PDE4D: variants seen among roughly 807,000 people sequenced by gnomAD.
PDE4D encodes phosphodiesterase 4D.
In PDE4D, 24 loss-of-function variants were observed where a neutral mutation model predicts 87.4. The ratio of observed to expected loss-of-function variants is 0.27; its 90% CI spans 0.20 to 0.39. The LOEUF (loss-of-function observed/expected upper bound fraction) is 0.39, where lower values mean the gene tolerates loss of function less well. PDE4D is among the 10% of genes least tolerant of loss of function. The probability of loss-of-function intolerance (pLI) is 1.00; values close to 1 mark genes in which losing one functional copy is unlikely to be tolerated. For missense variants in PDE4D, 714 were observed against 1,041.0 expected (o/e 0.69, Z 4.32); for synonymous variants, 384 against 383.2 (o/e 1.00, Z -0.02).
intron 1 of PDE4D, among the ~76,000 whole-genome samples, chr5:59,553,634 G>T (rs554634247): frequency 6.6e-6 from 1 of 152,086 alleles, no homozygotes; most frequent in Non-Finnish European, 1.5e-5. Context: ...GAAAGAACAC[G>T]TACTTTTTCA....
chr5:60,447,948 T>C (rs1049582220), intron 1 of PDE4D, among the ~76,000 whole-genome samples: 22 of 152,218 alleles, frequency 1.4e-4, no homozygotes, highest in African/African-American at 5.3e-4. Context: ...ACTTTGTTTA[T>C]AGTATAGTCT....
At chr5:59,206,648 C>T (rs537301427) in intron 2 of PDE4D, among the ~76,000 whole-genome samples, 1 of 152,272 alleles carries the variant, frequency 6.6e-6, no homozygotes, top group South Asian at 2.1e-4. Context: ...AGAATGCATG[C>T]TCCAAACAAT....
At chr5:59,919,745 A>G (rs1047483097) in intron 3 of PDE4D, among the ~76,000 whole-genome samples, 16 of 152,128 alleles carry the variant, frequency 1.1e-4, no homozygotes, top group African/African-American at 3.9e-4. Context: ...GCCACAAAGT[A>G]GACACTGAAT....
chr5:60,083,408 C>T (rs1250060155), intron 2 of PDE4D, among the ~76,000 whole-genome samples: 1 of 152,160 alleles, frequency 6.6e-6, no homozygotes, highest in Admixed American at 6.5e-5. Flanking sequence ...GTAGCAAAAA[C>T]ACTCAACAGT....
At chr5:59,555,353 G>A (rs975912042) in intron 1 of PDE4D, among the ~76,000 whole-genome samples, 1 of 152,022 alleles carries the variant, frequency 6.6e-6, no homozygotes, top group Non-Finnish European at 1.5e-5. Context: ...GAGGGTGGAG[G>A]GTGGTATGAG....
chr5:59,559,714 TA>T (rs895065757), intron 1 of PDE4D, among the ~76,000 whole-genome samples: 148 of 151,432 alleles, frequency 9.8e-4, no homozygotes, highest in Middle Eastern at 3.4e-3. Context: ...TAGAAAAGAT[TA>T]AAAAAAAATG....
chr5:59,365,741 AAACTT>A (rs1782939628), intron 1 of PDE4D, among the ~76,000 whole-genome samples: 1 of 152,144 alleles, frequency 6.6e-6, no homozygotes, highest in Non-Finnish European at 1.5e-5. Flanking sequence ...CCTCCTTACA[AAACTT>A]GCAAACCAGC....
intron 1 of PDE4D, among the ~76,000 whole-genome samples, chr5:60,265,592 T>C (rs1307036834): frequency 6.6e-6 from 1 of 152,172 alleles, no homozygotes; most frequent in African/African-American, 2.4e-5. Flanking sequence ...GAATGATTTA[T>C]AGGCTGCCTC....
intron 1 of PDE4D, among the ~76,000 whole-genome samples, chr5:59,512,539 G>A (rs1219239979): frequency 6.6e-6 from 1 of 152,106 alleles, no homozygotes; most frequent in African/African-American, 2.4e-5. Context: ...GTGTTCAAAT[G>A]TCTCTCCAAT....
At chr5:60,041,996 C>A (rs1353137426) in intron 2 of PDE4D, among the ~76,000 whole-genome samples, 1 of 151,898 alleles carries the variant, frequency 6.6e-6, no homozygotes, top group African/African-American at 2.4e-5. Context: ...AACCAAGGAG[C>A]CAAGTGGTCT....
At chr5:60,120,277 C>G (rs1215320626) in intron 2 of PDE4D, among the ~76,000 whole-genome samples, 2 of 150,056 alleles carry the variant, frequency 1.3e-5, no homozygotes, top group African/African-American at 2.5e-5. Context: ...GATGCACTAA[C>G]AGGAGAGGTA....
chr5:59,735,513 C>T (rs963021318), intron 1 of PDE4D, among the ~76,000 whole-genome samples: 2 of 152,046 alleles, frequency 1.3e-5, no homozygotes, highest in Admixed American at 1.3e-4. Flanking sequence ...ATTAAACAAG[C>T]TTTACAAAAT....
intron 1 of PDE4D, among the ~76,000 whole-genome samples, chr5:59,502,491 G>T (rs1020907326): frequency 6.6e-6 from 1 of 151,974 alleles, no homozygotes; most frequent in Non-Finnish European, 1.5e-5. Flanking sequence ...ATTAAAACTT[G>T]GGGTGAATAC....
intron 3 of PDE4D, among the ~76,000 whole-genome samples, chr5:59,972,086 G>T (rs1199255756): frequency 6.6e-6 from 1 of 152,108 alleles, no homozygotes; most frequent in East Asian, 1.9e-4. Context: ...CCTTCCACTC[G>T]ATAGTGGCAT....
chr5:59,192,980 T>C (rs1341445445), intron 3 of PDE4D, among the ~76,000 whole-genome samples: 1 of 152,186 alleles, frequency 6.6e-6, no homozygotes, highest in Non-Finnish European at 1.5e-5. Context: ...CCCAAACATT[T>C]TAGATCATGT....
chr5:59,658,252 A>AT (rs1744690317), intron 1 of PDE4D, among the ~76,000 whole-genome samples: 2 of 152,198 alleles, frequency 1.3e-5, no homozygotes, highest in African/African-American at 4.8e-5. Context: ...ATTAAAAAAA[A>AT]ACCATGAATC....
chr5:59,338,453 T>C lies in PDE4D; in HGVS notation c.456-122485A>G, dbSNP rs75466355. Among the ~76,000 whole-genome samples, 1,049 of 152,330 alleles carry C rather than the reference T, an allele frequency of 6.9e-3. 10 individuals are homozygous for C. Among genetic ancestry groups the C allele is most frequent in the African/African-American group, 0.024 (997 of 41,570 alleles). Reference sequence around the variant, plus strand: ...AGGAAACAATGGACTCAGCATCTCATATTCTTGTTTAGTGTATCTTAGGAA... The same window carrying C: ...AGGAAACAATGGACTCAGCATCTCACATTCTTGTTTAGTGTATCTTAGGAA... On this transcript the variant is annotated intron_variant, in intron 1 of 14. Coordinates refer to ENST00000340635, the MANE Select transcript of PDE4D (RefSeq NM_001104631.2).
intron 6 of PDE4D, among the ~76,000 whole-genome samples, chr5:59,035,517 A>C (rs1366955229): frequency 6.6e-6 from 1 of 152,188 alleles, no homozygotes; most frequent in Non-Finnish European, 1.5e-5. Flanking sequence ...GCAACCAATG[A>C]AGTTTGACCT....
At chr5:59,969,368 T>C (rs1760437554) in intron 3 of PDE4D, among the ~76,000 whole-genome samples, 1 of 152,150 alleles carries the variant, frequency 6.6e-6, no homozygotes, top group South Asian at 2.1e-4. Context: ...TTTGGAAGAA[T>C]GGAATTATAA....
Sources: gnomAD v4.1 joint callset for allele counts (sites outside exome capture counted in the v4.1 genomes callset) on GRCh38, gnomAD v4.1.1 for gene constraint, MANE v1.5 for transcripts, NCBI Gene and HGNC (gene_info 2026-07-23, HGNC 2026-07-21) for gene names.